NIM1K: variants seen among roughly 807,000 people sequenced by gnomAD.
NIM1K encodes the protein NIM1 serine/threonine protein kinase.
Under a neutral mutation model 37.1 loss-of-function variants are expected in NIM1K, and 35 were observed. The observed-to-expected ratio is 0.94, with a 90% confidence interval of 0.72 to 1.25. The LOEUF (loss-of-function observed/expected upper bound fraction) is 1.25. Among genes scored for constraint, NIM1K ranks in the 50% most tolerant of loss-of-function variants. The pLI, the probability that NIM1K is intolerant of heterozygous loss-of-function variation, is 0.00. For synonymous variants in NIM1K, 234 were observed against 206.6 expected (o/e 1.13, Z -1.14); for missense variants, 564 against 548.0 (o/e 1.03, Z -0.29).
In NIM1K at chr5:43,245,173, T is replaced by A. The variant is rs1035160900; in HGVS notation, c.-603T>A. ...CTAAAGTGACATTGCAGGGATTAAA[T>A]CCTTCTTTGGCTGCCTGTGTGACCA... On this transcript the variant is annotated 5_prime_UTR_variant, in exon 2 of 4. Coordinates refer to ENST00000326035, the MANE Select transcript of NIM1K (RefSeq NM_153361.4). 21 of 152,244 alleles carry A rather than the reference T, an allele frequency of 1.4e-4. No homozygotes were observed. The highest frequency in any genetic ancestry group is 4.1e-4 in the African/African-American group (17 of 41,456). 9.4% of individuals were successfully genotyped at this position (152,244 alleles called of 1,614,324 possible). A position where few individuals can be genotyped will look rare whatever the true frequency, so the allele number is the denominator to read the frequency against.
intron 1 of NIM1K, among the ~76,000 whole-genome samples, chr5:43,199,944 C>T (rs922421593): frequency 6.6e-6 from 1 of 151,708 alleles, no homozygotes; most frequent in African/African-American, 2.4e-5. Context: ...GGTGTGATCT[C>T]GGCTCACTGC....
chr5:43,228,725 G>A (rs1752495278), intron 1 of NIM1K, among the ~76,000 whole-genome samples: 1 of 151,938 alleles, frequency 6.6e-6, no homozygotes, highest in African/African-American at 2.4e-5. Flanking sequence ...CAGCTACTTG[G>A]GAGGCTGAGG....
At position 43,280,162 on chromosome 5, in the gene NIM1K, C is replaced by G. The variant is rs760877811; in HGVS notation, c.744C>G (p.Ile248Met). The change falls in exon 4 of 4, where the codon ATC becomes ATG. Residue 248 changes from isoleucine (I) to methionine (M), a missense_variant. Physicochemically the swap from Ile to Met is conservative, Grantham distance 10. Coordinates refer to ENST00000326035, the MANE Select transcript of NIM1K (RefSeq NM_153361.4). The part of the protein sequence containing the change: ...APELFRDEHY[I>M]GIYVDIWALG... ...AACTCTTCCGGGACGAGCACTACAT[C>G]GGCATTTACGTGGATATCTGGGCCT... 5 of 1,614,164 alleles carry G rather than the reference C, an allele frequency of 3.1e-6. No homozygotes were observed. Among genetic ancestry groups the G allele is most frequent in the Non-Finnish European group, 4.2e-6 (5 of 1,180,024 alleles).
intron 1 of NIM1K, among the ~76,000 whole-genome samples, chr5:43,217,459 C>CA (rs35739990): frequency 0.018 from 1,677 of 93,608 alleles, 25 homozygotes; most frequent in African/African-American, 0.037. Context: ...TGTGGACATG[C>CA]AAAAAAAAAA....
intron 1 of NIM1K, among the ~76,000 whole-genome samples, chr5:43,204,765 G>C (rs190435226): frequency 6.6e-6 from 1 of 151,462 alleles, no homozygotes; most frequent in East Asian, 1.9e-4. Flanking sequence ...CGAGCACTTT[G>C]GGAGGCTGAG....
At chr5:43,250,068 G>T (rs989735123) in intron 2 of NIM1K, among the ~76,000 whole-genome samples, 5 of 151,788 alleles carry the variant, frequency 3.3e-5, no homozygotes, top group African/African-American at 1.2e-4. Context: ...TAGCCAGGAT[G>T]GTCTCGATCT....
intron 2 of NIM1K, among the ~76,000 whole-genome samples, chr5:43,269,060 G>A (rs1054528770): frequency 3.5e-4 from 53 of 152,066 alleles, no homozygotes; most frequent in African/African-American, 1.1e-3. Context: ...GTAAATCCCA[G>A]CACTTTGGGA....
chr5:43,231,756 T>C, intron 1 of NIM1K: 9 of 1,076,700 alleles, frequency 8.4e-6, no homozygotes, highest in Admixed American at 1.9e-5. Context: ...AACTTTTCAA[T>C]GTTTAAAACA....
Position 43,280,432 on chromosome 5 carries a change from A to T in NIM1K, c.1014A>T (p.Gln338His). The change falls in exon 4 of 4, where the codon CAA becomes CAT. Residue 338 changes from glutamine (Q) to histidine (H), a missense_variant. Physicochemically the swap from Gln to His is conservative, Grantham distance 24 (BLOSUM62 0). Transcript: ENST00000326035. ...ACCCTACACCTTTGGAACCTTTCCA[A>T]CTGGATCCCAAACATTTGTCGGAAA... ...VPYPTPLEPF[Q>H]LDPKHLSETS... 6.2e-7 allele frequency: 1 copy of T among 1,614,176 alleles called. No individual in the cohort carries two copies. The highest frequency in any genetic ancestry group is 8.5e-7 in the Non-Finnish European group (1 of 1,180,030).
At chr5:43,199,567 A>T (rs970503401) in intron 1 of NIM1K, among the ~76,000 whole-genome samples, 8 of 152,158 alleles carry the variant, frequency 5.3e-5, no homozygotes, top group Non-Finnish European at 1.2e-4. Context: ...CCACAGGGGA[A>T]GGAAATGAAA....
intron 1 of NIM1K, among the ~76,000 whole-genome samples, chr5:43,199,385 T>C (rs1751985833): frequency 6.6e-6 from 1 of 151,834 alleles, no homozygotes; most frequent in African/African-American, 2.4e-5. Context: ...CCTGCTTAGC[T>C]AGAAGTTTAT....
chr5:43,244,925 T>C (rs1340589106), intron 1 of NIM1K, among the ~76,000 whole-genome samples, 157 bp from the exon 2 acceptor site: 1 of 152,212 alleles, frequency 6.6e-6, no homozygotes, highest in Non-Finnish European at 1.5e-5. Flanking sequence ...TCTTTTCTTC[T>C]TACTAGATCA....
At position 43,245,842 on chromosome 5, in the gene NIM1K, G is replaced by C; in HGVS notation, c.67G>C (p.Asp23His). ...CCACTATGCCCGGTGGGATCGGCGCGACAGTGTAGAAAGTGGCTGTCAGAC... is the reference window on the plus strand; with the variant it reads ...CCACTATGCCCGGTGGGATCGGCGCCACAGTGTAGAAAGTGGCTGTCAGAC... Reference protein sequence around the residue: ...NPHYARWDRRDSVESGCQTES... With the variant: ...NPHYARWDRRHSVESGCQTES... The change falls in exon 2 of 4, where the codon GAC becomes CAC. Residue 23 changes from aspartate (D) to histidine (H), a missense_variant. Coordinates refer to ENST00000326035, the MANE Select transcript of NIM1K (RefSeq NM_153361.4). 1 of 1,614,052 alleles carries C rather than the reference G, an allele frequency of 6.2e-7. No individual in the cohort carries two copies. Among genetic ancestry groups the C allele is most frequent in the Non-Finnish European group, 8.5e-7 (1 of 1,179,964 alleles).
At chr5:43,202,558 C>A (rs1419850298) in intron 1 of NIM1K, among the ~76,000 whole-genome samples, 1 of 152,168 alleles carries the variant, frequency 6.6e-6, no homozygotes, top group Non-Finnish European at 1.5e-5. Flanking sequence ...CCCTAGTGTG[C>A]TTGGGTAATC....
chr5:43,213,589 G>T (rs1284399311), intron 1 of NIM1K, among the ~76,000 whole-genome samples: 1 of 152,116 alleles, frequency 6.6e-6, no homozygotes, highest in African/African-American at 2.4e-5. Flanking sequence ...CACTTCCCAG[G>T]TTCAAGTGAT....
chr5:43,248,770 G>A (rs529931580), intron 2 of NIM1K, among the ~76,000 whole-genome samples: 36 of 151,964 alleles, frequency 2.4e-4, no homozygotes, highest in Non-Finnish European at 4.6e-4. Context: ...GAAGAGCCAC[G>A]TTCAGCTTGA....
chr5:43,213,015 G>C (rs1752225421), intron 1 of NIM1K, among the ~76,000 whole-genome samples: 1 of 152,018 alleles, frequency 6.6e-6, no homozygotes, highest in African/African-American at 2.4e-5. Flanking sequence ...CAATATTTAA[G>C]CATCCACCTT....
intron 1 of NIM1K, among the ~76,000 whole-genome samples, chr5:43,233,785 T>G (rs1448677811): frequency 6.6e-6 from 1 of 152,194 alleles, no homozygotes; most frequent in African/African-American, 2.4e-5. Flanking sequence ...CGGGTATGAG[T>G]GTTCCCGCAC....
intron 1 of NIM1K, among the ~76,000 whole-genome samples, chr5:43,220,933 C>A (rs1752372356): frequency 6.6e-6 from 1 of 152,008 alleles, no homozygotes; most frequent in South Asian, 2.1e-4. Context: ...CATGATAAGT[C>A]CCGAGAGTGC....
Sources: allele counts gnomAD v4.1 joint callset (sites outside exome capture counted in the v4.1 genomes callset), GRCh38; gene constraint gnomAD v4.1.1; transcripts MANE v1.5; gene names NCBI Gene and HGNC (gene_info 2026-07-23, HGNC 2026-07-21).